Variants in PRKAR2B observed in about 807,000 individuals in gnomAD.
PRKAR2B encodes the protein protein kinase cAMP-dependent type II regulatory subunit beta, also known as cAMP-dependent protein kinase type II-beta regulatory subunit.
In PRKAR2B, 14 loss-of-function variants were observed where a neutral mutation model predicts 49.9. The ratio of observed to expected loss-of-function variants is 0.28; its 90% confidence interval spans 0.19 to 0.44. The LOEUF (loss-of-function observed/expected upper bound fraction) is 0.44. PRKAR2B is among the 20% of genes least tolerant of loss of function. The probability of loss-of-function intolerance (pLI) is 1.00; values close to 1 mark genes in which losing one functional copy is unlikely to be tolerated. For synonymous variants in PRKAR2B, 196 were observed against 197.7 expected (o/e 0.99, Z 0.07); for missense variants, 393 against 537.9 (o/e 0.73, Z 2.67).
At chr7:107,104,251 C>T (rs919699459) in intron 2 of PRKAR2B, among the ~76,000 whole-genome samples, 2 of 152,018 alleles carry the variant, frequency 1.3e-5, no homozygotes, top group African/African-American at 4.8e-5. Context: ...TCCAGGCTGG[C>T]CTCGAACTCC....
intron 2 of PRKAR2B, among the ~76,000 whole-genome samples, chr7:107,110,559 C>T (rs1795151554): frequency 6.6e-6 from 1 of 151,740 alleles, no homozygotes. Context: ...TGTCTTGCAT[C>T]TTTGATGCCA....
At chr7:107,067,577 TAGCAA>T (rs1794178398) in intron 1 of PRKAR2B, among the ~76,000 whole-genome samples, 1 of 152,206 alleles carries the variant, frequency 6.6e-6, no homozygotes, top group Non-Finnish European at 1.5e-5. Context: ...AAATAATTTA[TAGCAA>T]GTAAAATGTA....
intron 1 of PRKAR2B, among the ~76,000 whole-genome samples, chr7:107,055,362 G>C (rs1481118152): frequency 1.3e-5 from 2 of 152,122 alleles, no homozygotes; most frequent in African/African-American, 2.4e-5. Flanking sequence ...GGTATTTCTA[G>C]TTCTAGATCC....
chr7:107,104,067 T>G (rs10241140), intron 2 of PRKAR2B, among the ~76,000 whole-genome samples: 19,054 of 152,150 alleles, frequency 0.13, 1,439 homozygotes, highest in African/African-American at 0.2. Context: ...GTCTCGCACT[T>G]TTGGTCCAGG....
chr7:107,096,544 T>C (rs1584425743), intron 2 of PRKAR2B, among the ~76,000 whole-genome samples: 1 of 152,252 alleles, frequency 6.6e-6, no homozygotes, highest in East Asian at 1.9e-4. Flanking sequence ...ATTTCTTGCA[T>C]TCTGCTAGCT....
chr7:107,153,071 C>A, intron 7 of PRKAR2B, 106 bp from the exon 8 acceptor site: 1 of 630,394 alleles, frequency 1.6e-6, no homozygotes, highest in Non-Finnish European at 2.7e-6. Flanking sequence ...AACCTACACA[C>A]TGCTCGATTT....
intron 4 of PRKAR2B, among the ~76,000 whole-genome samples, chr7:107,134,854 A>G (rs1795666290): frequency 6.6e-6 from 1 of 152,236 alleles, no homozygotes; most frequent in South Asian, 2.1e-4. Flanking sequence ...CAAAAGCCAA[A>G]GATATAAGAG....
chr7:107,151,129 C>G, intron 7 of PRKAR2B, 106 bp downstream of exon 7: 1 of 590,538 alleles, frequency 1.7e-6, no homozygotes. Flanking sequence ...AAAAATCTAT[C>G]CATGTTTTTA....
Position 107,099,239 on chromosome 7 carries a change from G to A in PRKAR2B, c.344-22713G>A, listed in dbSNP as rs954833142. On this transcript the variant is annotated intron_variant, in intron 2 of 10. Coordinates refer to ENST00000265717, the MANE Select transcript of PRKAR2B (RefSeq NM_002736.3). ...TGGTGGATGCCCCTTCCCTAGCCTCGCTGCCGCCTTGCAGTTTGATCTCAG... is the reference window on the plus strand; with the variant it reads ...TGGTGGATGCCCCTTCCCTAGCCTCACTGCCGCCTTGCAGTTTGATCTCAG... Among the ~76,000 whole-genome samples, 13 of 152,238 alleles carry A rather than the reference G, an allele frequency of 8.5e-5. No homozygotes were observed. In the South Asian group the frequency reaches 2.1e-3, roughly 24 times the overall value.
intron 2 of PRKAR2B, among the ~76,000 whole-genome samples, chr7:107,080,824 T>C (rs1300402955): frequency 6.6e-6 from 1 of 152,132 alleles, no homozygotes; most frequent in Non-Finnish European, 1.5e-5. Context: ...AAATATTCAA[T>C]GAGGGCCTAC....
At chr7:107,058,556 A>T (rs1793959315) in intron 1 of PRKAR2B, among the ~76,000 whole-genome samples, 2 of 152,200 alleles carry the variant, frequency 1.3e-5, no homozygotes, top group Admixed American at 1.3e-4. Flanking sequence ...TTTTACATGA[A>T]GTTTGTTCAT....
Position 107,160,769 on chromosome 7 carries a change from AATGTAGACTC to A in PRKAR2B, c.*1190_*1199del, listed in dbSNP as rs1796183962. On this transcript the variant is annotated 3_prime_UTR_variant, in exon 11 of 11. Coordinates refer to ENST00000265717, the MANE Select transcript of PRKAR2B (RefSeq NM_002736.3). ...TACCATTAGGCCTTGCCATTGCTTTAATGTAGACTCATAGTTGAAATTAGTGCAGAAAGAA... is the reference window on the plus strand; with the variant it reads ...TACCATTAGGCCTTGCCATTGCTTTAATAGTTGAAATTAGTGCAGAAAGAA... 6.6e-6 allele frequency: 1 copy of A among 152,180 alleles called. No homozygotes were observed. Among genetic ancestry groups the A allele is most frequent in the African/African-American group, 2.4e-5 (1 of 41,438 alleles). 9.4% of individuals were successfully genotyped at this position (152,180 alleles called of 1,614,324 possible).
At chr7:107,158,102 T>C (rs1481152223) in intron 10 of PRKAR2B, among the ~76,000 whole-genome samples, 1 of 152,144 alleles carries the variant, frequency 6.6e-6, no homozygotes, top group Non-Finnish European at 1.5e-5. Context: ...AAGTGTTAAA[T>C]TTGGATGGAA....
chr7:107,057,762 G>A (rs745782276), intron 1 of PRKAR2B, among the ~76,000 whole-genome samples: 52 of 151,338 alleles, frequency 3.4e-4, no homozygotes, highest in Non-Finnish European at 6.3e-4. Flanking sequence ...GCATTAATGT[G>A]TGTTAAAAAA....
intron 7 of PRKAR2B, among the ~76,000 whole-genome samples, chr7:107,151,268 G>A (rs1427714165): frequency 6.6e-6 from 1 of 152,118 alleles, no homozygotes; most frequent in South Asian, 2.1e-4. Context: ...TTTATATGTG[G>A]TCTTTATCTG....
intron 2 of PRKAR2B, among the ~76,000 whole-genome samples, chr7:107,110,583 A>G (rs896877999): frequency 2.0e-5 from 3 of 151,742 alleles, no homozygotes; most frequent in African/African-American, 7.2e-5. Flanking sequence ...CAGCCACAGT[A>G]GGGTAGGGTG....
intron 2 of PRKAR2B, among the ~76,000 whole-genome samples, chr7:107,088,752 A>G (rs1245172876): frequency 6.6e-6 from 1 of 152,006 alleles, no homozygotes; most frequent in African/African-American, 2.4e-5. Context: ...GGCGTGTGTT[A>G]CCACGCCCGG....
chr7:107,121,825 G>A lies in PRKAR2B; in HGVS notation c.344-127G>A. On this transcript the variant is annotated intron_variant, in intron 2 of 10. Coordinates refer to ENST00000265717, the MANE Select transcript of PRKAR2B (RefSeq NM_002736.3). The stretch of plus-strand genomic sequence containing the variant: ...TTTTGGGGGGTAGACTGCTTCTCCT[G>A]GTTGAGGTGAATTAATGGTTTTTTA... 3 of 451,586 alleles carry A rather than the reference G, an allele frequency of 6.6e-6. No individual in the cohort carries two copies. In the East Asian group the frequency reaches 1.1e-4, roughly 16 times the overall value. The allele number at this position is 451,586 out of a possible 1,614,324, so 28.0% of individuals were successfully genotyped here.
chr7:107,116,150 C>T (rs1034840866), intron 2 of PRKAR2B, among the ~76,000 whole-genome samples: 2 of 152,128 alleles, frequency 1.3e-5, no homozygotes, highest in Non-Finnish European at 2.9e-5. Flanking sequence ...CGTTTCTCAC[C>T]GACTAAAGTG....
Sources: allele counts gnomAD v4.1 joint callset (sites outside exome capture counted in the v4.1 genomes callset), GRCh38; gene constraint gnomAD v4.1.1; transcripts MANE v1.5; gene names NCBI Gene and HGNC (gene_info 2026-07-23, HGNC 2026-07-21).